B3GALT1: variants seen among roughly 807,000 people sequenced by gnomAD.
The protein encoded by B3GALT1 is UDP-Gal:betaGlcNAc beta 1,3-galactosyltransferase, polypeptide 1.
In B3GALT1, 10 loss-of-function variants were observed where a neutral mutation model predicts 23.2. The observed-to-expected ratio is 0.43, with a 90% CI of 0.27 to 0.73. The LOEUF (loss-of-function observed/expected upper bound fraction) is 0.73. B3GALT1 is among the 30% of genes least tolerant of loss of function. The probability of loss-of-function intolerance (pLI) is 0.21; values close to 1 mark genes in which losing one functional copy is unlikely to be tolerated. For synonymous variants in B3GALT1, 156 were observed against 141.5 expected, an observed-to-expected ratio of 1.10 and a Z score of -0.73; for missense variants, 299 against 405.4, an observed-to-expected ratio of 0.74 and a Z score of 2.25.
intron 1 of B3GALT1, among the ~76,000 whole-genome samples, chr2:167,426,623 C>G (rs1420240929): frequency 2.6e-5 from 4 of 152,126 alleles, no homozygotes; most frequent in Non-Finnish European, 5.9e-5. Flanking sequence ...TTCCACTACC[C>G]AGCACATTGC....
At chr2:167,460,254 A>G (rs1461069907) in intron 1 of B3GALT1, among the ~76,000 whole-genome samples, 1 of 152,150 alleles carries the variant, frequency 6.6e-6, no homozygotes, top group Non-Finnish European at 1.5e-5. Context: ...GTTTTGCTTG[A>G]TGGTGTCCCA....
intron 3 of B3GALT1, among the ~76,000 whole-genome samples, chr2:167,816,494 A>ATGAC (rs1688994069): frequency 2.6e-5 from 4 of 151,750 alleles, no homozygotes; most frequent in Admixed American, 6.6e-5. Context: ...GAATGCTATG[A>ATGAC]TGACTATAAT....
At chr2:167,362,462 T>C (rs1397482244) in intron 1 of B3GALT1, among the ~76,000 whole-genome samples, 1 of 152,206 alleles carries the variant, frequency 6.6e-6, no homozygotes, top group Non-Finnish European at 1.5e-5. Flanking sequence ...TTTCCAACTT[T>C]CCTGTTTTAA....
chr2:167,450,376 C>T (rs1248310514), intron 1 of B3GALT1, among the ~76,000 whole-genome samples: 1 of 152,046 alleles, frequency 6.6e-6, no homozygotes, highest in Non-Finnish European at 1.5e-5. Context: ...CTAGTTTATA[C>T]ATGTAGAGAT....
chr2:167,449,952 A>G (rs1376160316), intron 1 of B3GALT1, among the ~76,000 whole-genome samples: 1 of 152,142 alleles, frequency 6.6e-6, no homozygotes, highest in African/African-American at 2.4e-5. Context: ...CCATTTGATC[A>G]TGGTGGATAA....
chr2:167,433,397 A>G (rs1255695712), intron 1 of B3GALT1, among the ~76,000 whole-genome samples: 2 of 152,204 alleles, frequency 1.3e-5, no homozygotes, highest in Non-Finnish European at 2.9e-5. Context: ...TCCTATAAAC[A>G]TCCAAAAACT....
chr2:167,863,296 C>A (rs1448187996), intron 4 of B3GALT1, among the ~76,000 whole-genome samples: 1 of 152,066 alleles, frequency 6.6e-6, no homozygotes, highest in Non-Finnish European at 1.5e-5. Context: ...AATACTATTT[C>A]TTTAGAAGAA....
At position 167,872,257 on chromosome 2, in the gene B3GALT1, A is replaced by G. The variant is rs546832367; in HGVS notation, c.*2237A>G. On this transcript the variant is annotated 3_prime_UTR_variant, in exon 5 of 5. Transcript: ENST00000392690. Reference sequence around the variant, plus strand: ...GAGCCCCCCGTAGGAGTTGATAGCAAACAGATAGACACAATGAATAAGTGG... The same window carrying G: ...GAGCCCCCCGTAGGAGTTGATAGCAGACAGATAGACACAATGAATAAGTGG... 1 of 152,184 alleles carries G rather than the reference A, an allele frequency of 6.6e-6. No homozygotes were observed. Among genetic ancestry groups the G allele is most frequent in the Non-Finnish European group, 1.5e-5 (1 of 68,092 alleles). 9.4% of individuals were successfully genotyped at this position (152,184 alleles called of 1,614,324 possible). A position where few individuals can be genotyped will look rare whatever the true frequency, so the allele number is the denominator to read the frequency against.
chr2:167,454,764 G>GT (rs1699144052), intron 1 of B3GALT1, among the ~76,000 whole-genome samples: 1 of 152,280 alleles, frequency 6.6e-6, no homozygotes, highest in African/African-American at 2.4e-5. Context: ...TGAGATGGCA[G>GT]TTTTTACTGT....
At chr2:167,648,592 C>T (rs1194103385) in intron 3 of B3GALT1, among the ~76,000 whole-genome samples, 2 of 152,126 alleles carry the variant, frequency 1.3e-5, no homozygotes, top group African/African-American at 4.8e-5. Flanking sequence ...AAATTAAGTA[C>T]AATTTAACAC....
At chr2:167,694,468 A>G (rs1686761855) in intron 3 of B3GALT1, among the ~76,000 whole-genome samples, 2 of 152,150 alleles carry the variant, frequency 1.3e-5, no homozygotes, top group African/African-American at 4.8e-5. Context: ...AAGGCTCTCA[A>G]TGTTTTCTAT....
chr2:167,351,492 G>T (rs536342069), intron 1 of B3GALT1, among the ~76,000 whole-genome samples: 1 of 152,036 alleles, frequency 6.6e-6, no homozygotes, highest in Admixed American at 6.5e-5. Flanking sequence ...ACTCTTCATG[G>T]CATCAAAAAT....
chr2:167,800,537 G>T (rs1688622816), intron 3 of B3GALT1, among the ~76,000 whole-genome samples: 1 of 152,100 alleles, frequency 6.6e-6, no homozygotes, highest in Non-Finnish European at 1.5e-5. Flanking sequence ...CAACCTAAAA[G>T]AAAGTACTTA....
At chr2:167,504,386 A>G (rs1467280248) in intron 2 of B3GALT1, among the ~76,000 whole-genome samples, 1 of 152,186 alleles carries the variant, frequency 6.6e-6, no homozygotes, top group East Asian at 1.9e-4. Context: ...ACCCATGAAA[A>G]CAAACACTAC....
At chr2:167,677,437 C>T (rs1686447799) in intron 3 of B3GALT1, among the ~76,000 whole-genome samples, 2 of 152,224 alleles carry the variant, frequency 1.3e-5, no homozygotes, top group Admixed American at 6.5e-5. Flanking sequence ...CTGGCGTAAG[C>T]ACCATCCCAC....
chr2:167,511,740 A>G (rs923091090), intron 2 of B3GALT1, among the ~76,000 whole-genome samples: 3 of 152,082 alleles, frequency 2.0e-5, no homozygotes. Context: ...ACTTTTCTGT[A>G]TTTTGCAAAT....
chr2:167,526,862 C>G (rs1683228397), intron 2 of B3GALT1, among the ~76,000 whole-genome samples: 2 of 151,966 alleles, frequency 1.3e-5, no homozygotes, highest in Non-Finnish European at 2.9e-5. Flanking sequence ...TTTCTACTAC[C>G]TACAAATAGT....
chr2:167,868,904 A>G lies in B3GALT1; in HGVS notation c.-136A>G. On this transcript the variant is annotated 5_prime_UTR_variant, in exon 5 of 5. An upstream start codon of the reference 5' UTR is lost. Transcript: ENST00000392690. ...AGGTGACAGACAGCCACTGAGGCCCATGGACAATCTCCACCTCACGCTTCT... is the reference window on the plus strand; with the variant it reads ...AGGTGACAGACAGCCACTGAGGCCCGTGGACAATCTCCACCTCACGCTTCT... The G allele has an allele frequency of 9.5e-7, 1 of 1,053,316 alleles. No homozygotes were observed. The highest frequency in any genetic ancestry group is 2.4e-5 in the East Asian group (1 of 41,658). 65.2% of individuals were successfully genotyped at this position (1,053,316 alleles called of 1,614,324 possible).
intron 1 of B3GALT1, among the ~76,000 whole-genome samples, chr2:167,310,438 AT>A (rs897082283): frequency 6.6e-6 from 1 of 152,070 alleles, no homozygotes; most frequent in Non-Finnish European, 1.5e-5. Flanking sequence ...GTTAAGAAAG[AT>A]TATTTGCAAG....
Sources: allele counts gnomAD v4.1 joint callset (sites outside exome capture counted in the v4.1 genomes callset), GRCh38; gene constraint gnomAD v4.1.1; transcripts MANE v1.5; gene names NCBI Gene and HGNC (gene_info 2026-07-23, HGNC 2026-07-21).